Variants in TMTC2 observed in about 807,000 individuals in gnomAD.
TMTC2 encodes the protein protein O-mannosyl-transferase TMTC2.
Under a neutral mutation model 82.4 loss-of-function variants are expected in TMTC2, and 43 were observed. The ratio of observed to expected loss-of-function variants is 0.52; its 90% confidence interval spans 0.41 to 0.67. The LOEUF (loss-of-function observed/expected upper bound fraction) is 0.67. Ranked by LOEUF, TMTC2 falls within the 30% of genes least tolerant of loss-of-function variation. The pLI, the probability that TMTC2 is intolerant of heterozygous loss-of-function variation, is 0.00. For missense variants in TMTC2, 919 were observed against 1,012.4 expected (o/e 0.91, Z 1.25); for synonymous variants, 408 against 381.9 (o/e 1.07, Z -0.80).
intron 1 of TMTC2, among the ~76,000 whole-genome samples, chr12:82,743,020 A>AT (rs1565730863): frequency 6.6e-6 from 1 of 151,706 alleles, no homozygotes; most frequent in Non-Finnish European, 1.5e-5. Context: ...TTGTTAGGAA[A>AT]TTTTTTCTGC....
intron 1 of TMTC2, among the ~76,000 whole-genome samples, chr12:82,848,873 G>A (rs1229550286): frequency 6.6e-6 from 1 of 152,144 alleles, no homozygotes; most frequent in Non-Finnish European, 1.5e-5. Flanking sequence ...CAGTGGCTTT[G>A]CAAATGAGCA....
intron 8 of TMTC2, 91 bp downstream of exon 8, chr12:82,986,137 A>T (rs1416271257): frequency 2.6e-6 from 4 of 1,557,346 alleles, no homozygotes; most frequent in Non-Finnish European, 3.5e-6. Flanking sequence ...ACAGCCAGTT[A>T]TCTAAGCTAT....
At chr12:83,090,843 G>A (rs1362110751) in intron 11 of TMTC2, among the ~76,000 whole-genome samples, 1 of 152,138 alleles carries the variant, frequency 6.6e-6, no homozygotes, top group Admixed American at 6.5e-5. Flanking sequence ...ACATTGAACT[G>A]TTCATAAATC....
chr12:82,793,842 C>A (rs920583795), intron 1 of TMTC2, among the ~76,000 whole-genome samples: 1 of 152,142 alleles, frequency 6.6e-6, no homozygotes. Flanking sequence ...TCAGTTGGAA[C>A]AAACAAAAGA....
At chr12:82,876,020 A>AGTGGTGGTGGTG (rs1180362854) in intron 2 of TMTC2, among the ~76,000 whole-genome samples, 1 of 75,632 alleles carries the variant, frequency 1.3e-5, no homozygotes, top group Non-Finnish European at 2.3e-5. Context: ...TAATGGTAGT[A>AGTGGTGGTGGTG]GTGGTGGCGG....
intron 3 of TMTC2, among the ~76,000 whole-genome samples, chr12:82,907,386 C>T (rs1402759097): frequency 2.0e-5 from 3 of 151,222 alleles, no homozygotes; most frequent in Non-Finnish European, 2.9e-5. Context: ...TTGCCTGAGC[C>T]GGGCAGGTGG....
At chr12:82,739,175 A>G (rs1483799751) in intron 1 of TMTC2, among the ~76,000 whole-genome samples, 3 of 151,714 alleles carry the variant, frequency 2.0e-5, no homozygotes, top group South Asian at 2.1e-4. Flanking sequence ...GAGGATACAT[A>G]GAAATATGTT....
intron 2 of TMTC2, among the ~76,000 whole-genome samples, chr12:82,872,512 T>C (rs139233303): frequency 6.6e-6 from 1 of 152,346 alleles, no homozygotes; most frequent in African/African-American, 2.4e-5. Flanking sequence ...ATATTATTTA[T>C]GTGTTCTTGA....
intron 1 of TMTC2, among the ~76,000 whole-genome samples, chr12:82,713,808 T>C (rs1873760725): frequency 6.6e-6 from 1 of 152,172 alleles, no homozygotes; most frequent in Non-Finnish European, 1.5e-5. Flanking sequence ...GGAAAGTAGT[T>C]TTGAGAGGAT....
chr12:82,982,583 G>T (rs1361888219), intron 7 of TMTC2, among the ~76,000 whole-genome samples: 1 of 151,618 alleles, frequency 6.6e-6, no homozygotes, highest in South Asian at 2.1e-4. Context: ...CTTAAGAATT[G>T]AATTACATAT....
chr12:83,077,092 CTA>C (rs1883305287), intron 11 of TMTC2, among the ~76,000 whole-genome samples: 1 of 152,166 alleles, frequency 6.6e-6, no homozygotes, highest in Non-Finnish European at 1.5e-5. Flanking sequence ...AGGCTCAACT[CTA>C]TAGCAAAGAC....
chr12:82,981,248 T>C (rs974931378), intron 7 of TMTC2, among the ~76,000 whole-genome samples: 3 of 151,882 alleles, frequency 2.0e-5, no homozygotes, highest in African/African-American at 7.2e-5. Context: ...TAATTCCCAC[T>C]AAATGCTCTA....
chr12:82,926,778 A>C (rs1592632900), intron 3 of TMTC2, among the ~76,000 whole-genome samples: 2 of 152,180 alleles, frequency 1.3e-5, no homozygotes, highest in South Asian at 4.1e-4. Context: ...AGGGCCCTTA[A>C]GAATAATGCT....
intron 11 of TMTC2, among the ~76,000 whole-genome samples, chr12:83,103,811 A>T (rs1263236158): frequency 2.0e-5 from 3 of 152,140 alleles, no homozygotes; most frequent in Non-Finnish European, 2.9e-5. Flanking sequence ...TCATAATCTC[A>T]TCTGACATAA....
chr12:82,876,954 T>C (rs997750890), intron 2 of TMTC2, among the ~76,000 whole-genome samples: 7 of 152,196 alleles, frequency 4.6e-5, no homozygotes, highest in African/African-American at 1.4e-4. Flanking sequence ...TGTGAGCCTT[T>C]TTAAATTTTT....
chr12:82,702,076 G>A (rs1592858311), intron 1 of TMTC2, among the ~76,000 whole-genome samples: 1 of 152,162 alleles, frequency 6.6e-6, no homozygotes, highest in South Asian at 2.1e-4. Flanking sequence ...GTTTTATAAC[G>A]ATGGGGTTGG....
chr12:82,786,751 G>A (rs1339904215), intron 1 of TMTC2, among the ~76,000 whole-genome samples: 2 of 152,080 alleles, frequency 1.3e-5, no homozygotes, highest in African/African-American at 4.8e-5. Context: ...GCTCCTTAGA[G>A]CTTTTAACAA....
chr12:82,857,533 GTCTT>G lies in TMTC2; in HGVS notation c.610_613del (p.Phe204ThrfsTer3). The G allele has an allele frequency of 6.2e-7, 1 of 1,613,024 alleles. No homozygotes were observed. Among genetic ancestry groups the G allele is most frequent in the Non-Finnish European group, 8.5e-7 (1 of 1,179,720 alleles). ...AGTTTCAGCAGTTTATGATGTCTTTGTCTTTCACAGGCTGAAAATAAAACAGATA... is the reference window on the plus strand; with the variant it reads ...AGTTTCAGCAGTTTATGATGTCTTTGTCACAGGCTGAAAATAAAACAGATA... On this transcript the variant is annotated frameshift_variant, in exon 2 of 12. Coordinates refer to ENST00000321196, the MANE Select transcript of TMTC2 (RefSeq NM_152588.3). LOFTEE classifies it high-confidence loss of function.
chr12:82,854,758 G>T (rs953243886), intron 1 of TMTC2, among the ~76,000 whole-genome samples: 1 of 152,082 alleles, frequency 6.6e-6, no homozygotes, highest in Non-Finnish European at 1.5e-5. Flanking sequence ...TGAACATTTA[G>T]AAAAGTCAAC....
Sources: allele counts gnomAD v4.1 joint callset (sites outside exome capture counted in the v4.1 genomes callset), GRCh38; gene constraint gnomAD v4.1.1; transcripts MANE v1.5; gene names NCBI Gene and HGNC (gene_info 2026-07-23, HGNC 2026-07-21).